The following PRR16 variants were observed in gnomAD, a reference collection of about 807,000 sequenced individuals.
PRR16 encodes the protein proline rich 16, also known as protein Largen.
PRR16 carries 6 observed loss-of-function variants against 18.2 expected under a neutral mutation model. That is an observed-to-expected ratio of 0.33 (90% CI 0.18 to 0.65). The LOEUF (loss-of-function observed/expected upper bound fraction) is 0.65, where lower values mean the gene tolerates loss of function less well. PRR16 is among the 30% of genes least tolerant of loss of function. PRR16 has a pLI of 0.74. For synonymous variants in PRR16, 151 were observed against 147.8 expected, an observed-to-expected ratio of 1.02 and a Z score of -0.16; for missense variants, 412 against 376.6, an observed-to-expected ratio of 1.09 and a Z score of -0.78.
intron 1 of PRR16, among the ~76,000 whole-genome samples, chr5:120,470,104 T>A (rs539933437): frequency 6.6e-6 from 1 of 152,284 alleles, no homozygotes; most frequent in East Asian, 1.9e-4. Context: ...GCAAAACATA[T>A]TTTCCCAAAC....
At chr5:120,478,240 T>C (rs1438387821) in intron 1 of PRR16, among the ~76,000 whole-genome samples, 1 of 152,204 alleles carries the variant, frequency 6.6e-6, no homozygotes, top group Non-Finnish European at 1.5e-5. Flanking sequence ...TGCAATCCAA[T>C]ATTTGCAGAG....
At chr5:120,529,901 A>C (rs1187579022) in intron 1 of PRR16, among the ~76,000 whole-genome samples, 1 of 152,006 alleles carries the variant, frequency 6.6e-6, no homozygotes, top group Non-Finnish European at 1.5e-5. Context: ...AACACAATAC[A>C]GCAGGCTTTT....
intron 1 of PRR16, among the ~76,000 whole-genome samples, chr5:120,567,214 C>T (rs1334257808): frequency 6.6e-6 from 1 of 152,222 alleles, no homozygotes; most frequent in Non-Finnish European, 1.5e-5. Flanking sequence ...TGGCCCATAA[C>T]TGGAAAATGC....
chr5:120,479,475 A>G (rs140305882), intron 1 of PRR16, among the ~76,000 whole-genome samples: 77 of 152,272 alleles, frequency 5.1e-4, no homozygotes, highest in African/African-American at 1.8e-3. Context: ...AATAACCACT[A>G]CTGGATTATT....
the PRR16 span, among the ~76,000 whole-genome samples, chr5:120,753,978 TATA>T: frequency 1.6e-4 from 19 of 122,116 alleles, no homozygotes; most frequent in Admixed American, 3.1e-4. Flanking sequence ...TGTTATATAA[TATA>T]ATATATAACA....
At chr5:120,609,599 T>A (rs1280322337) in intron 1 of PRR16, among the ~76,000 whole-genome samples, 1 of 152,208 alleles carries the variant, frequency 6.6e-6, no homozygotes, top group Non-Finnish European at 1.5e-5. Flanking sequence ...GGCTATCTTA[T>A]TGAATTATTT....
chr5:120,739,731 A>C, the PRR16 span, among the ~76,000 whole-genome samples: 1 of 152,174 alleles, frequency 6.6e-6, no homozygotes, highest in Non-Finnish European at 1.5e-5. Flanking sequence ...GGAAAAAATC[A>C]TTAGCACAAA....
chr5:120,601,592 G>T lies in PRR16; in HGVS notation c.160-84362G>T, dbSNP rs551778079. Among the ~76,000 whole-genome samples the T allele has an allele frequency of 7.2e-5, 11 of 152,012 alleles. No individual in the cohort carries two copies. The East Asian group carries it at 1.5e-3, about 21-fold the overall frequency. The stretch of plus-strand genomic sequence containing the variant: ...CTTTAAGTCCCACTTACTAATTTTT[G>T]TTTTTGTTGCAAATGTTTTTGGATT... On this transcript the variant is annotated intron_variant, in intron 1 of 1. Coordinates refer to ENST00000407149, the MANE Select transcript of PRR16 (RefSeq NM_001300783.2).
At chr5:120,541,412 C>G (rs1380515480) in intron 1 of PRR16, among the ~76,000 whole-genome samples, 1 of 152,184 alleles carries the variant, frequency 6.6e-6, no homozygotes, top group East Asian at 1.9e-4. Context: ...TCTCAAAGTG[C>G]TAGGATTACA....
At chr5:120,745,878 T>G in the PRR16 span, among the ~76,000 whole-genome samples, 2 of 149,824 alleles carry the variant, frequency 1.3e-5, no homozygotes, top group Non-Finnish European at 3.0e-5. Context: ...TTTTTTTTTT[T>G]TTTTTAGCAG....
intron 1 of PRR16, among the ~76,000 whole-genome samples, chr5:120,654,669 G>A (rs1755905941): frequency 6.6e-6 from 1 of 151,848 alleles, no homozygotes; most frequent in African/African-American, 2.4e-5. Flanking sequence ...AATAATTTCA[G>A]AGTGAGAGAG....
rs57967295 is a variant in PRR16, at chr5:120,493,686, A to G, written c.159+29041A>G. Reference sequence around the variant, plus strand: ...CTTTTACAGCTATACCCACTTCTCTACTGTTGACATAGACTTCCTAGCCCC... The same window carrying G: ...CTTTTACAGCTATACCCACTTCTCTGCTGTTGACATAGACTTCCTAGCCCC... On this transcript the variant is annotated intron_variant, in intron 1 of 1. Transcript: ENST00000407149. 5.3e-5 allele frequency among the ~76,000 whole-genome samples: 8 copies of G among 152,262 alleles called. No homozygotes were observed. The South Asian group carries it at 1.0e-3, about 20-fold the overall frequency.
intron 1 of PRR16, among the ~76,000 whole-genome samples, chr5:120,533,151 T>C (rs962491771): frequency 6.6e-6 from 1 of 152,206 alleles, no homozygotes; most frequent in Non-Finnish European, 1.5e-5. Context: ...TTTGGAGTGA[T>C]CTAGAGTTCT....
At chr5:120,759,059 C>T in the PRR16 span, among the ~76,000 whole-genome samples, 1 of 145,826 alleles carries the variant, frequency 6.9e-6, no homozygotes, top group Non-Finnish European at 1.5e-5. Context: ...TCACTGCAAG[C>T]TCTGCCTCCC....
At position 120,501,793 on chromosome 5, in the gene PRR16, A is replaced by G. The variant is rs947142695; in HGVS notation, c.159+37148A>G. ...ACCACAGTGAAACCCTGTCTCAACTAAAAATACAAAAAATTAGCCGGGCGT... is the reference window on the plus strand; with the variant it reads ...ACCACAGTGAAACCCTGTCTCAACTGAAAATACAAAAAATTAGCCGGGCGT... On this transcript the variant is annotated intron_variant, in intron 1 of 1. Coordinates refer to ENST00000407149, the MANE Select transcript of PRR16 (RefSeq NM_001300783.2). Among the ~76,000 whole-genome samples the G allele has an allele frequency of 3.9e-5, 6 of 151,996 alleles. No homozygotes were observed. In the East Asian group the frequency reaches 7.8e-4, roughly 20 times the overall value.
intron 1 of PRR16, among the ~76,000 whole-genome samples, chr5:120,534,537 G>A (rs1751653669): frequency 6.6e-6 from 1 of 152,024 alleles, no homozygotes; most frequent in Non-Finnish European, 1.5e-5. Flanking sequence ...TAGATGGAAT[G>A]TATCTTTTTT....
At chr5:120,530,350 A>C (rs1751512415) in intron 1 of PRR16, among the ~76,000 whole-genome samples, 1 of 147,886 alleles carries the variant, frequency 6.8e-6, no homozygotes, top group Non-Finnish European at 1.5e-5. Context: ...CAGTTAGCAG[A>C]ATTCTTTCCC....
the PRR16 span, among the ~76,000 whole-genome samples, chr5:120,762,686 C>T: frequency 1.3e-5 from 2 of 152,046 alleles, no homozygotes; most frequent in Non-Finnish European, 2.9e-5. Flanking sequence ...AGATATTGTT[C>T]CTTGTCAGAT....
chr5:120,487,559 G>T (rs1367052107), intron 1 of PRR16, among the ~76,000 whole-genome samples: 1 of 151,994 alleles, frequency 6.6e-6, no homozygotes, highest in East Asian at 1.9e-4. Flanking sequence ...TGAGACGATG[G>T]GGTTTTCTAG....
Sources: gnomAD v4.1 joint callset for allele counts (sites outside exome capture counted in the v4.1 genomes callset) on GRCh38, gnomAD v4.1.1 for gene constraint, MANE v1.5 for transcripts, NCBI Gene and HGNC (gene_info 2026-07-23, HGNC 2026-07-21) for gene names.